The following PAN3 variants were observed in gnomAD, a reference collection of about 807,000 sequenced individuals.
The protein encoded by PAN3 is PAN2-PAN3 deadenylation complex subunit PAN3.
A neutral mutation model predicts 96.2 loss-of-function variants in PAN3; 19 were observed. The ratio of observed to expected loss-of-function variants is 0.20; its 90% CI spans 0.14 to 0.29. PAN3 has a LOEUF of 0.29. Among genes scored for constraint, PAN3 ranks in the 10% least tolerant of loss-of-function variants. The pLI, the probability that PAN3 is intolerant of heterozygous loss-of-function variation, is 1.00. For missense variants in PAN3, 882 were observed against 1,108.1 expected (o/e 0.80, Z 2.90); for synonymous variants, 433 against 406.6 (o/e 1.06, Z -0.78).
At chr13:28,206,150 C>G (rs1879322478) in intron 5 of PAN3, among the ~76,000 whole-genome samples, 1 of 152,028 alleles carries the variant, frequency 6.6e-6, no homozygotes, top group Non-Finnish European at 1.5e-5. Context: ...GGAAAAGGTT[C>G]TTTGGTCAGT....
chr13:28,144,724 T>C (rs1278646394), intron 1 of PAN3, among the ~76,000 whole-genome samples: 14 of 131,628 alleles, frequency 1.1e-4, no homozygotes, highest in African/African-American at 3.4e-4. Flanking sequence ...TCATCTTTTT[T>C]TTTTTTTTTT....
Position 28,292,594 on chromosome 13 carries a change from T to G in PAN3, c.*72T>G. ...TAGCAAATTGCACTACAGCTGAACT[T>G]TTCATCATCTCATTCACATTTGGGA... On this transcript the variant is annotated 3_prime_UTR_variant, in exon 19 of 19. Transcript: ENST00000380958. 7.1e-7 allele frequency: 1 copy of G among 1,413,446 alleles called. No homozygotes were observed. The highest frequency in any genetic ancestry group is 9.4e-7 in the Non-Finnish European group (1 of 1,058,300). The allele number at this position is 1,413,446 out of a possible 1,614,324, so 87.6% of individuals were successfully genotyped here.
chr13:28,213,305 G>A (rs1016858721), intron 5 of PAN3, among the ~76,000 whole-genome samples: 2 of 152,036 alleles, frequency 1.3e-5, no homozygotes, highest in South Asian at 2.1e-4. Context: ...TTAATATGAG[G>A]GACTTAATTA....
intron 1 of PAN3, among the ~76,000 whole-genome samples, chr13:28,168,971 T>G (rs1270759811): frequency 6.6e-6 from 1 of 150,510 alleles, no homozygotes; most frequent in Non-Finnish European, 1.5e-5. Flanking sequence ...TGAGCCGAGA[T>G]CACGCCACTA....
At chr13:28,219,855 C>T (rs1346552148) in intron 5 of PAN3, among the ~76,000 whole-genome samples, 1 of 152,170 alleles carries the variant, frequency 6.6e-6, no homozygotes, top group Admixed American at 6.5e-5. Flanking sequence ...GCAGTTTTGA[C>T]CTTTATCTTG....
At chr13:28,173,327 A>G (rs1159407988) in intron 1 of PAN3, among the ~76,000 whole-genome samples, 2 of 152,256 alleles carry the variant, frequency 1.3e-5, no homozygotes, top group East Asian at 1.9e-4. Flanking sequence ...CTTGTTAAAG[A>G]TGAACTTTTT....
rs79030162 is a variant in PAN3, at chr13:28,270,258, A to G, written c.1793-443A>G. ...GATATAAGGAAAACAAACATTCAAC[A>G]TAAGTGATGGTAGAGACTTTTATTT... is the stretch of plus-strand genomic sequence containing the variant. On this transcript the variant is annotated intron_variant, in intron 12 of 18. Coordinates refer to ENST00000380958, the MANE Select transcript of PAN3 (RefSeq NM_175854.8). Among the ~76,000 whole-genome samples, 237 of 152,340 alleles carry G rather than the reference A, an allele frequency of 1.6e-3. 5 individuals carry two copies. The East Asian group carries it at 0.039, about 25-fold the overall frequency.
chr13:28,181,126 C>A (rs1463220214), intron 4 of PAN3, among the ~76,000 whole-genome samples: 1 of 152,156 alleles, frequency 6.6e-6, no homozygotes, highest in Non-Finnish European at 1.5e-5. Flanking sequence ...AACTCTAATT[C>A]TTCTTCATTC....
intron 1 of PAN3, among the ~76,000 whole-genome samples, chr13:28,157,570 C>G (rs781415131): frequency 6.6e-6 from 1 of 152,134 alleles, no homozygotes; most frequent in Non-Finnish European, 1.5e-5. Context: ...CAACAGCATC[C>G]AAGCTGAGTG....
intron 4 of PAN3, among the ~76,000 whole-genome samples, chr13:28,181,336 T>C (rs1875738078): frequency 6.6e-6 from 1 of 151,802 alleles, no homozygotes; most frequent in African/African-American, 2.4e-5. Context: ...TAGTGAGACC[T>C]GGTCTCTACT....
At chr13:28,253,698 C>T (rs1593569934) in intron 6 of PAN3, among the ~76,000 whole-genome samples, 1 of 144,740 alleles carries the variant, frequency 6.9e-6, no homozygotes, top group South Asian at 2.1e-4. Context: ...CAGCCTCAAA[C>T]CCCTGGGCTC....
intron 18 of PAN3, 29 bp downstream of exon 18, chr13:28,288,151 A>G (rs1402087608): frequency 6.4e-6 from 10 of 1,562,582 alleles, no homozygotes; most frequent in African/African-American, 4.1e-5. Context: ...TTTTAAGATC[A>G]TAATTCTGCC....
rs1352048101 is a variant in PAN3 at position 28,252,119 on chromosome 13, C to T, written c.1001-4173C>T. ...GCCAGGCTGGTTTTGAACTCCTGAC[C>T]TCAGGTGGCCTGCCTGCCTCAGCCT... On this transcript the variant is annotated intron_variant, in intron 6 of 18. Coordinates refer to ENST00000380958, the MANE Select transcript of PAN3 (RefSeq NM_175854.8). Among the ~76,000 whole-genome samples the T allele has an allele frequency of 2.0e-5, 3 of 150,906 alleles. No homozygotes were observed. The East Asian group carries it at 5.8e-4, about 29-fold the overall frequency.
chr13:28,159,622 A>G (rs1872659266), intron 1 of PAN3, among the ~76,000 whole-genome samples: 1 of 151,842 alleles, frequency 6.6e-6, no homozygotes, highest in African/African-American at 2.4e-5. Flanking sequence ...CTAATTTTGT[A>G]TTTTTAGTAG....
At chr13:28,208,160 A>C (rs768165655) in intron 5 of PAN3, among the ~76,000 whole-genome samples, 11 of 152,218 alleles carry the variant, frequency 7.2e-5, no homozygotes, top group Non-Finnish European at 1.2e-4. Context: ...TTAATATGGT[A>C]GGATTCTTTG....
At position 28,220,258 on chromosome 13, in the gene PAN3, A is replaced by T. The variant is rs763086594; in HGVS notation, c.880A>T (p.Ile294Phe). Reference protein sequence around the residue: ...QTPNPTASEFIPKGGSTSRLS... With the variant: ...QTPNPTASEFFPKGGSTSRLS... ...ACCAAATCCTACTGCAAGCGAGTTT[A>T]TTCCTAAAGGAGGATCAACCTCCAG... Residue 294 changes from isoleucine (I) to phenylalanine (F), a missense_variant, in exon 6 of 19, where the codon ATT (isoleucine) becomes TTT (phenylalanine). Physicochemically the swap from Ile to Phe is conservative, Grantham distance 21. Coordinates refer to ENST00000380958, the MANE Select transcript of PAN3 (RefSeq NM_175854.8). The T allele has an allele frequency of 6.2e-7, 1 of 1,613,256 alleles. No individual in the cohort carries two copies. The highest frequency in any genetic ancestry group is 2.2e-5 in the East Asian group (1 of 44,812).
intron 17 of PAN3, 36 bp downstream of exon 17, chr13:28,281,415 T>C: frequency 6.5e-7 from 1 of 1,527,894 alleles, no homozygotes; most frequent in South Asian, 1.1e-5. Flanking sequence ...ATATTTTTAA[T>C]CGAGAGCACT....
intron 1 of PAN3, among the ~76,000 whole-genome samples, chr13:28,163,768 T>A (rs1289407353): frequency 6.6e-6 from 1 of 152,212 alleles, no homozygotes; most frequent in Non-Finnish European, 1.5e-5. Context: ...GTTATATGAT[T>A]CTTGTAAAGA....
At chr13:28,279,429 A>G (rs577674171) in intron 15 of PAN3, among the ~76,000 whole-genome samples, 53 of 151,844 alleles carry the variant, frequency 3.5e-4, no homozygotes, top group African/African-American at 1.3e-3. Flanking sequence ...CCCCACACCT[A>G]CCCCCTTTTA....
Sources: allele counts gnomAD v4.1 joint callset (sites outside exome capture counted in the v4.1 genomes callset), GRCh38; gene constraint gnomAD v4.1.1; transcripts MANE v1.5; gene names NCBI Gene and HGNC (gene_info 2026-07-23, HGNC 2026-07-21).